SLC2A9: variants seen among roughly 807,000 people sequenced by gnomAD.
SLC2A9 encodes the protein solute carrier family 2 member 9.
SLC2A9 carries 39 observed loss-of-function variants against 50.6 expected under a neutral mutation model. That is an observed-to-expected ratio of 0.77 (90% CI 0.60 to 1.01). The LOEUF (loss-of-function observed/expected upper bound fraction) is 1.01. SLC2A9 is among the 50% of genes least tolerant of loss of function. The pLI, the probability that SLC2A9 is intolerant of heterozygous loss-of-function variation, is 0.00. For synonymous variants in SLC2A9, 324 were observed against 276.9 expected, an observed-to-expected ratio of 1.17 and a Z score of -1.69; for missense variants, 686 against 677.6, an observed-to-expected ratio of 1.01 and a Z score of -0.14.
intron 3 of SLC2A9, among the ~76,000 whole-genome samples, chr4:9,809,449 G>A (rs1293967345): frequency 6.6e-6 from 1 of 152,200 alleles, no homozygotes; most frequent in African/African-American, 2.4e-5. Context: ...GTGGACCACA[G>A]GGCGCCTGAC....
At chr4:9,910,364 G>GA (rs1258325580) in intron 7 of SLC2A9, among the ~76,000 whole-genome samples, 1 of 152,150 alleles carries the variant, frequency 6.6e-6, no homozygotes, top group Non-Finnish European at 1.5e-5. Flanking sequence ...ACATTATCCT[G>GA]AAAACTCTAT....
At chr4:9,956,908 T>A (rs1751403836) in intron 5 of SLC2A9, among the ~76,000 whole-genome samples, 2 of 149,914 alleles carry the variant, frequency 1.3e-5, no homozygotes, top group South Asian at 4.2e-4. Flanking sequence ...GAGCAAGAGG[T>A]TTTTAGCCCA....
chr4:9,958,269 A>G (rs1295816972), intron 5 of SLC2A9, among the ~76,000 whole-genome samples: 1 of 152,230 alleles, frequency 6.6e-6, no homozygotes, highest in Non-Finnish European at 1.5e-5. Context: ...TTCTTAAGAA[A>G]GTACTGCAGG....
intron 3 of SLC2A9, among the ~76,000 whole-genome samples, chr4:9,987,350 C>T (rs575388020): frequency 1.3e-5 from 2 of 152,274 alleles, no homozygotes; most frequent in African/African-American, 4.8e-5. Context: ...AAACTTCTGA[C>T]CTCAGGTGAT....
intron 1 of SLC2A9, among the ~76,000 whole-genome samples, chr4:10,037,457 C>T (rs1214400086): frequency 6.6e-6 from 1 of 152,200 alleles, no homozygotes; most frequent in Non-Finnish European, 1.5e-5. Flanking sequence ...GTGCTCTTTA[C>T]ATTTTCTCTA....
intron 10 of SLC2A9, among the ~76,000 whole-genome samples, chr4:9,871,235 T>C (rs969262313): frequency 2.0e-5 from 3 of 152,204 alleles, no homozygotes; most frequent in Non-Finnish European, 4.4e-5. Context: ...CCTGGTACCC[T>C]GCATCTACAG....
chr4:10,036,525 C>T (rs763136535), intron 1 of SLC2A9, among the ~76,000 whole-genome samples: 15 of 152,234 alleles, frequency 9.9e-5, no homozygotes, highest in Non-Finnish European at 1.9e-4. Context: ...TTTCAATATT[C>T]TCTTTACCCT....
chr4:9,846,168 G>T (rs142457112), intron 10 of SLC2A9, among the ~76,000 whole-genome samples: 1 of 152,204 alleles, frequency 6.6e-6, no homozygotes, highest in East Asian at 1.9e-4. Flanking sequence ...CCAGGTAAGA[G>T]ACTCTCTCCT....
intron 8 of SLC2A9, among the ~76,000 whole-genome samples, chr4:9,901,981 T>TG (rs1739715439): frequency 6.6e-6 from 1 of 152,232 alleles, no homozygotes; most frequent in African/African-American, 2.4e-5. Flanking sequence ...TCCTGATAGG[T>TG]GGCGTACCCA....
chr4:9,989,149 G>T (rs1391176745), intron 3 of SLC2A9, among the ~76,000 whole-genome samples: 1 of 151,970 alleles, frequency 6.6e-6, no homozygotes, highest in Non-Finnish European at 1.5e-5. Flanking sequence ...GAATTCCTTG[G>T]CTCATCCCTT....
chr4:10,037,930 G>T (rs1764158455), intron 1 of SLC2A9, among the ~76,000 whole-genome samples: 1 of 152,098 alleles, frequency 6.6e-6, no homozygotes, highest in African/African-American at 2.4e-5. Flanking sequence ...CAGCCTGGGT[G>T]ACAGAATGAG....
downstream of SLC2A9, among the ~76,000 whole-genome samples, chr4:9,778,047 TCTTTCTTTCCTTCC>T (rs1358088926): frequency 4.1e-5 from 1 of 24,098 alleles, no homozygotes; most frequent in Admixed American, 3.5e-4. Context: ...TTTCTTTCTT[TCTTTCTTTCCTTCC>T]TTCCTTCCTT....
intron 11 of SLC2A9, among the ~76,000 whole-genome samples, chr4:9,828,895 A>G (rs1157103939): frequency 1.3e-5 from 2 of 152,124 alleles, no homozygotes; most frequent in Non-Finnish European, 2.9e-5. Context: ...GAGCCCGGAG[A>G]GTCTCTGATA....
rs1205612586 is a variant in SLC2A9, at chr4:9,983,249, G to A, written c.535+2420C>T. On this transcript the variant is annotated intron_variant, in intron 4 of 11. Transcript: ENST00000264784. ...GGTGGGAAAGAGGCCAAGACTGTGA[G>A]GTCAATGGTTGCTGCAGTGGTCCCT... is the stretch of plus-strand genomic sequence containing the variant. Among the ~76,000 whole-genome samples, 4 of 152,248 alleles carry A rather than the reference G, an allele frequency of 2.6e-5. No individual in the cohort carries two copies. The East Asian group carries it at 7.7e-4, about 29-fold the overall frequency.
intron 8 of SLC2A9, among the ~76,000 whole-genome samples, chr4:9,908,032 G>A (rs1162738008): frequency 6.6e-6 from 1 of 152,160 alleles, no homozygotes; most frequent in Non-Finnish European, 1.5e-5. Flanking sequence ...TGGGTCAATA[G>A]CCCAGACACA....
intron 2 of SLC2A9, among the ~76,000 whole-genome samples, chr4:10,000,930 C>T (rs1759681265): frequency 6.6e-6 from 1 of 152,176 alleles, no homozygotes; most frequent in Admixed American, 6.5e-5. Context: ...ACTAATCCAC[C>T]CTCACTCATC....
At chr4:9,914,873 A>C (rs1742564651) in intron 7 of SLC2A9, among the ~76,000 whole-genome samples, 1 of 152,220 alleles carries the variant, frequency 6.6e-6, no homozygotes, top group South Asian at 2.1e-4. Flanking sequence ...CTTTATAAAA[A>C]TCCAGAAGCA....
At chr4:9,819,702 G>C (rs763211034) in intron 3 of SLC2A9, among the ~76,000 whole-genome samples, 3 of 152,244 alleles carry the variant, frequency 2.0e-5, no homozygotes, top group Non-Finnish European at 4.4e-5. Flanking sequence ...GGGAGGCCAA[G>C]GCGTGCAGAC....
At chr4:9,995,295 T>C (rs1758449958) in intron 3 of SLC2A9, among the ~76,000 whole-genome samples, 1 of 152,218 alleles carries the variant, frequency 6.6e-6, no homozygotes, top group African/African-American at 2.4e-5. Context: ...CATTAATTAC[T>C]GCTCTGAAAG....
Sources: allele counts gnomAD v4.1 joint callset (sites outside exome capture counted in the v4.1 genomes callset), GRCh38; gene constraint gnomAD v4.1.1; transcripts MANE v1.5; gene names NCBI Gene and HGNC (gene_info 2026-07-23, HGNC 2026-07-21).